ZNF385B: variants seen among roughly 807,000 people sequenced by gnomAD.
ZNF385B encodes the protein zinc finger protein 533.
Under a neutral mutation model 39.2 loss-of-function variants are expected in ZNF385B, and 23 were observed. That is an observed-to-expected ratio of 0.59 (90% confidence interval 0.42 to 0.83). The LOEUF (loss-of-function observed/expected upper bound fraction) is 0.83. Ranked by LOEUF, ZNF385B falls within the 40% of genes least tolerant of loss-of-function variation. ZNF385B has a pLI of 0.00. For synonymous variants in ZNF385B, 205 were observed against 222.6 expected (o/e 0.92, Z 0.70); for missense variants, 552 against 598.9 (o/e 0.92, Z 0.82).
intron 3 of ZNF385B, among the ~76,000 whole-genome samples, chr2:179,676,656 A>C (rs1034392079): frequency 1.3e-5 from 2 of 152,226 alleles, no homozygotes; most frequent in Non-Finnish European, 2.9e-5. Context: ...CTGCTGAGAG[A>C]TGACAGTAGC....
chr2:179,758,736 C>G (rs1191472692), intron 3 of ZNF385B, among the ~76,000 whole-genome samples: 1 of 152,182 alleles, frequency 6.6e-6, no homozygotes, highest in Admixed American at 6.5e-5. Context: ...ATTATCCAGC[C>G]TACAGCCAGC....
At chr2:179,548,173 T>C (rs2060353642) in intron 3 of ZNF385B, among the ~76,000 whole-genome samples, 1 of 149,740 alleles carries the variant, frequency 6.7e-6, no homozygotes, top group Non-Finnish European at 1.5e-5. Flanking sequence ...CAAATAATGA[T>C]AATTTGACTT....
intron 1 of ZNF385B, among the ~76,000 whole-genome samples, chr2:179,841,695 A>C (rs2106615785): frequency 6.6e-6 from 1 of 152,244 alleles, no homozygotes; most frequent in East Asian, 1.9e-4. Context: ...GACATTACCA[A>C]ATGTCTCCTG....
chr2:179,627,802 T>A (rs530325740), intron 3 of ZNF385B, among the ~76,000 whole-genome samples: 31 of 131,656 alleles, frequency 2.4e-4, no homozygotes, highest in African/African-American at 8.7e-4. Flanking sequence ...TTTCTATTGA[T>A]CAAGTTTTTT....
intron 5 of ZNF385B, among the ~76,000 whole-genome samples, chr2:179,489,621 T>C (rs767749760): frequency 1.3e-5 from 2 of 152,206 alleles, no homozygotes; most frequent in Non-Finnish European, 2.9e-5. Flanking sequence ...GATAAAACTG[T>C]TTTTACTATT....
chr2:179,531,802 CA>C (rs1345056730), intron 4 of ZNF385B, among the ~76,000 whole-genome samples: 1 of 152,136 alleles, frequency 6.6e-6, no homozygotes, highest in Non-Finnish European at 1.5e-5. Flanking sequence ...TCACACTTAA[CA>C]TTTTAGGGCT....
intron 3 of ZNF385B, chr2:179,745,807 G>C: frequency 6.7e-7 from 1 of 1,486,480 alleles, no homozygotes; most frequent in East Asian, 2.6e-5. Flanking sequence ...ATGTGACCAG[G>C]ATAATGCACA....
In ZNF385B at chr2:179,771,589, A is replaced by T. The variant is rs1035583942; in HGVS notation, c.-154-917T>A. Reference sequence around the variant, plus strand: ...TTCCTGTAGCTAAGCTACAGAAAATAATTCAGCTATAATTGAAATGGGGTT... The same window carrying T: ...TTCCTGTAGCTAAGCTACAGAAAATTATTCAGCTATAATTGAAATGGGGTT... On this transcript the variant is annotated intron_variant, in intron 1 of 9. Coordinates refer to ENST00000410066, the MANE Select transcript of ZNF385B (RefSeq NM_152520.6). Among the ~76,000 whole-genome samples the T allele has an allele frequency of 5.3e-5, 8 of 152,332 alleles. No individual in the cohort carries two copies. The South Asian group carries it at 8.3e-4, about 16-fold the overall frequency.
In ZNF385B at chr2:179,443,203, C is replaced by T; in HGVS notation, c.*47G>A. 6.2e-7 allele frequency: 1 copy of T among 1,607,552 alleles called. No individual in the cohort carries two copies. The highest frequency in any genetic ancestry group is 8.5e-7 in the Non-Finnish European group (1 of 1,176,270). On this transcript the variant is annotated 3_prime_UTR_variant, in exon 10 of 10. Transcript: ENST00000410066. The stretch of plus-strand genomic sequence containing the variant: ...TAAATTGCTGAATCCTTGTGGCTTT[C>T]TTTCTCAACTTCCTACTGGCCTCAA...
chr2:179,697,808 T>C (rs1698882208), intron 3 of ZNF385B, among the ~76,000 whole-genome samples: 1 of 152,130 alleles, frequency 6.6e-6, no homozygotes, highest in Admixed American at 6.5e-5. Flanking sequence ...ACATGCTTGA[T>C]AGACTGGATT....
chr2:179,606,163 T>C (rs1688782558), intron 3 of ZNF385B, among the ~76,000 whole-genome samples: 1 of 151,988 alleles, frequency 6.6e-6, no homozygotes, highest in African/African-American at 2.4e-5. Context: ...CTGATCAGAG[T>C]TGATAAAATG....
At chr2:179,524,429 G>GT (rs982178172) in intron 4 of ZNF385B, among the ~76,000 whole-genome samples, 12 of 151,486 alleles carry the variant, frequency 7.9e-5, no homozygotes, top group Non-Finnish European at 1.0e-4. Flanking sequence ...GTGGGCGCCT[G>GT]TAGTCCCAGC....
At chr2:179,833,420 G>T (rs1006289021) in intron 1 of ZNF385B, among the ~76,000 whole-genome samples, 8 of 152,068 alleles carry the variant, frequency 5.3e-5, no homozygotes, top group African/African-American at 1.9e-4. Flanking sequence ...CTAAAAATTA[G>T]TATACAACTC....
At chr2:179,550,619 T>C (rs2060503708) in intron 3 of ZNF385B, among the ~76,000 whole-genome samples, 1 of 149,880 alleles carries the variant, frequency 6.7e-6, no homozygotes, top group African/African-American at 2.5e-5. Context: ...AACTATACTT[T>C]CATTAATCCT....
At chr2:179,772,719 C>A (rs1704082786) in intron 1 of ZNF385B, among the ~76,000 whole-genome samples, 1 of 152,164 alleles carries the variant, frequency 6.6e-6, no homozygotes, top group East Asian at 1.9e-4. Context: ...AGAGAAAAAT[C>A]TCACTTTCTA....
intron 1 of ZNF385B, among the ~76,000 whole-genome samples, chr2:179,831,043 AT>A (rs1707956561): frequency 6.6e-6 from 1 of 152,126 alleles, no homozygotes; most frequent in South Asian, 2.1e-4. Context: ...TATTACTTTT[AT>A]TTTTTATTTT....
intron 3 of ZNF385B, among the ~76,000 whole-genome samples, chr2:179,657,524 C>T (rs892904620): frequency 6.6e-6 from 1 of 152,154 alleles, no homozygotes; most frequent in African/African-American, 2.4e-5. Flanking sequence ...ATGGTCTTAA[C>T]CATTGAAGTA....
intron 3 of ZNF385B, among the ~76,000 whole-genome samples, chr2:179,655,708 G>A (rs3106690): frequency 0.086 from 13,107 of 152,016 alleles, 595 homozygotes; most frequent in Non-Finnish European, 0.099. Flanking sequence ...GTGAATCCTC[G>A]TAAGAAATAC....
At chr2:179,694,372 C>A (rs921060147) in intron 3 of ZNF385B, among the ~76,000 whole-genome samples, 4 of 145,818 alleles carry the variant, frequency 2.7e-5, no homozygotes, top group African/African-American at 5.1e-5. Flanking sequence ...TTTTTGACTG[C>A]GAATTTATAT....
Sources: allele counts gnomAD v4.1 joint callset (sites outside exome capture counted in the v4.1 genomes callset), GRCh38; gene constraint gnomAD v4.1.1; transcripts MANE v1.5; gene names NCBI Gene and HGNC (gene_info 2026-07-23, HGNC 2026-07-21).